Variants in ZNF300 observed in about 807,000 individuals in gnomAD.
ZNF300 encodes kruppel-like zinc finger protein.
ZNF300 carries 6 observed loss-of-function variants against 13.9 expected under a neutral mutation model. The ratio of observed to expected loss-of-function variants is 0.43; its 90% CI spans 0.24 to 0.85. ZNF300 has a LOEUF of 0.85. ZNF300 is among the 40% of genes least tolerant of loss of function. The pLI is 0.25. For missense variants in ZNF300, 662 were observed against 714.2 expected (o/e 0.93, Z 0.83); for synonymous variants, 237 against 242.2 (o/e 0.98, Z 0.20).
chr5:150,898,535 T>G lies in ZNF300; in HGVS notation c.35A>C (p.Asp12Ala). ...CTCCTGGGTGAAATCCACAGCCACATCCTTGAATGATACTAACCCCTGTAA... is the reference window on the plus strand; with the variant it reads ...CTCCTGGGTGAAATCCACAGCCACAGCCTTGAATGATACTAACCCCTGTAA... ...MKSQGLVSFKDVAVDFTQEEW... is the reference protein window; with the variant it reads ...MKSQGLVSFKAVAVDFTQEEW... Residue 12 changes from aspartate to alanine, a missense_variant, in exon 4 of 6, where the codon GAT (aspartate) becomes GCT (alanine). Physicochemically the swap from Asp to Ala is moderately radical, Grantham distance 126. Coordinates refer to ENST00000274599, the MANE Select transcript of ZNF300 (RefSeq NM_052860.4). 1 of 1,612,044 alleles carries G rather than the reference T, an allele frequency of 6.2e-7. No individual in the cohort carries two copies. The highest frequency in any genetic ancestry group is 8.5e-7 in the Non-Finnish European group (1 of 1,178,824).
At chr5:150,900,421 C>A (rs1250165849) in intron 3 of ZNF300, among the ~76,000 whole-genome samples, 2 of 152,092 alleles carry the variant, frequency 1.3e-5, no homozygotes, top group Non-Finnish European at 2.9e-5. Context: ...ATCATTTAAG[C>A]CTATTACCTA....
At chr5:150,902,244 C>G (rs934062046) in intron 3 of ZNF300, among the ~76,000 whole-genome samples, 2 of 152,170 alleles carry the variant, frequency 1.3e-5, no homozygotes, top group Non-Finnish European at 2.9e-5. Context: ...GAACTTGACA[C>G]TAATCCTACA....
chr5:150,903,480 T>C (rs1462662079), intron 2 of ZNF300: 5 of 936,102 alleles, frequency 5.3e-6, no homozygotes, highest in East Asian at 2.6e-5. Context: ...ACTGTTCCCC[T>C]TGGGAATCAG....
intron 3 of ZNF300, among the ~76,000 whole-genome samples, chr5:150,900,181 A>G (rs144954378): frequency 2.6e-5 from 4 of 152,276 alleles, no homozygotes; most frequent in Middle Eastern, 3.4e-3. Flanking sequence ...TTTATTCTCA[A>G]TAGTCTAGGT....
rs778765222 is a variant in ZNF300, at chr5:150,896,601, TC to T, written c.637del (p.Asp213IlefsTer26). 1.2e-5 allele frequency: 19 copies of T among 1,613,616 alleles called. No homozygotes were observed. The highest frequency in any genetic ancestry group is 1.4e-5 in the Non-Finnish European group (17 of 1,179,848). On this transcript the variant is annotated frameshift_variant, in exon 6 of 6. Transcript: ENST00000274599. LOFTEE classifies it low-confidence loss of function (END_TRUNC). Reference sequence around the variant, plus strand: ...TGATTTTCCACCTCCAAAACTCTGATCAGGTTTTTTTCTTGAATTGCTCTTA... The same window carrying T: ...TGATTTTCCACCTCCAAAACTCTGATAGGTTTTTTTCTTGAATTGCTCTTA... ...CYKSNSRKKP[D>X]QSFGGGKSSS... is the part of the protein sequence containing the mutation.
chr5:150,904,825 G>C lies in ZNF300; in HGVS notation c.-263C>G, dbSNP rs1161777946. On this transcript the variant is annotated 5_prime_UTR_variant, in exon 1 of 6. Transcript: ENST00000274599. ...TGGCAAACTCTCCTGCTTCCTGTCC[G>C]CGAGCACCACACCGGGCTCCCGAGG... 2.6e-5 allele frequency: 4 copies of C among 152,752 alleles called. No homozygotes were observed. Among genetic ancestry groups the C allele is most frequent in the South Asian group, 2.1e-4 (1 of 4,830 alleles). The allele number at this position is 152,752 out of a possible 1,614,324, so 9.5% of individuals were successfully genotyped here.
chr5:150,896,981 A>G lies in ZNF300; in HGVS notation c.266-8T>C, dbSNP rs755970602. On this transcript the variant is annotated splice_polypyrimidine_tract_variant and splice_region_variant and intron_variant, in intron 5 of 5. Coordinates refer to ENST00000274599, the MANE Select transcript of ZNF300 (RefSeq NM_052860.4). ...GAAGGTTACTCTTCCTGTCTAAAAG[A>G]AGAAAAGATACAATTTAAGAGTCAT... The G allele has an allele frequency of 5.6e-6, 9 of 1,593,594 alleles. No homozygotes were observed. The South Asian group carries it at 1.0e-4, about 18-fold the overall frequency.
intron 2 of ZNF300, 115 bp from the exon 3 acceptor site, chr5:150,903,297 T>C (rs990232273): frequency 1.9e-6 from 3 of 1,589,808 alleles, no homozygotes; most frequent in Non-Finnish European, 1.7e-6. Flanking sequence ...ACTAATGGGC[T>C]ACCCTGTGGG....
chr5:150,900,725 T>C (rs1200793545), intron 3 of ZNF300: 3 of 152,088 alleles, frequency 2.0e-5, no homozygotes, highest in African/African-American at 7.2e-5. Flanking sequence ...TTAAAACTTA[T>C]GTTTAGTTAA....
rs1357207976 is a variant in ZNF300 at position 150,894,435 on chromosome 5, A to AAAATAAATCC, written c.*979_*988dup. On this transcript the variant is annotated 3_prime_UTR_variant, in exon 6 of 6. Coordinates refer to ENST00000274599, the MANE Select transcript of ZNF300 (RefSeq NM_052860.4). ...TCACCACGGTTTATGTAAGTATATG[A>AAAATAAATCC]AAATAAATCCAAGTATTAAAAAACA... 1 of 152,266 alleles carries AAAATAAATCC rather than the reference A, an allele frequency of 6.6e-6. No individual in the cohort carries two copies. Among genetic ancestry groups the AAAATAAATCC allele is most frequent in the East Asian group, 1.9e-4 (1 of 5,326 alleles). The allele number at this position is 152,266 out of a possible 1,614,324, so 9.4% of individuals were successfully genotyped here. A position where few individuals can be genotyped will look rare whatever the true frequency, so the allele number is the denominator to read the frequency against.
At chr5:150,898,349 G>T (rs938395745) in intron 4 of ZNF300, 79 bp downstream of exon 4, 2 of 1,609,496 alleles carry the variant, frequency 1.2e-6, no homozygotes, top group African/African-American at 2.7e-5. Context: ...CATATGTCAG[G>T]AACAATCTAA....
At chr5:150,899,148 C>A (rs912145908) in intron 3 of ZNF300, among the ~76,000 whole-genome samples, 10 of 152,008 alleles carry the variant, frequency 6.6e-5, no homozygotes, top group African/African-American at 2.4e-4. Flanking sequence ...CCCTCACAGT[C>A]CTGAAGAACA....
intron 2 of ZNF300, among the ~76,000 whole-genome samples, chr5:150,903,610 A>G (rs970523717): frequency 6.6e-6 from 1 of 152,216 alleles, no homozygotes; most frequent in African/African-American, 2.4e-5. Flanking sequence ...AAACTGAGGC[A>G]TGTGTTCCCT....
intron 3 of ZNF300, among the ~76,000 whole-genome samples, chr5:150,900,935 G>A (rs10035221): frequency 0.25 from 38,248 of 151,880 alleles, 6,967 homozygotes; most frequent in East Asian, 0.59. Flanking sequence ...TAATTTTGAG[G>A]AAAATATAGT....
At chr5:150,897,957 T>C in intron 5 of ZNF300, 105 bp downstream of exon 5, 1 of 1,420,936 alleles carries the variant, frequency 7.0e-7, no homozygotes, top group South Asian at 1.4e-5. Context: ...GAGTGACTAC[T>C]AAATTCTCAG....
chr5:150,902,093 G>A (rs970477452), intron 3 of ZNF300, among the ~76,000 whole-genome samples: 1 of 152,158 alleles, frequency 6.6e-6, no homozygotes, highest in African/African-American at 2.4e-5. Context: ...TATCCTGGGA[G>A]AAGGTGAGTT....
intron 5 of ZNF300, 81 bp from the exon 6 acceptor site, chr5:150,897,054 C>A: frequency 9.0e-7 from 1 of 1,108,896 alleles, no homozygotes; most frequent in Non-Finnish European, 1.3e-6. Context: ...ATGGATGATC[C>A]AACATAGTAG....
intron 3 of ZNF300, among the ~76,000 whole-genome samples, chr5:150,900,898 C>T (rs1754973090): frequency 6.6e-6 from 1 of 151,928 alleles, no homozygotes; most frequent in Non-Finnish European, 1.5e-5. Context: ...CCAAATGCTT[C>T]AAAATAATAA....
chr5:150,900,351 A>G (rs1754950069), intron 3 of ZNF300, among the ~76,000 whole-genome samples: 1 of 152,016 alleles, frequency 6.6e-6, no homozygotes, highest in African/African-American at 2.4e-5. Flanking sequence ...TGCCCTTTCT[A>G]CTTTTACAAA....
Sources: gnomAD v4.1 joint callset for allele counts (sites outside exome capture counted in the v4.1 genomes callset) on GRCh38, gnomAD v4.1.1 for gene constraint, MANE v1.5 for transcripts, NCBI Gene and HGNC (gene_info 2026-07-23, HGNC 2026-07-21) for gene names.